CNOT2: variants seen among roughly 807,000 people sequenced by gnomAD.
The protein encoded by CNOT2 is CC chemokine receptor 4-negative regulator of transcription 2.
A neutral mutation model predicts 72.1 loss-of-function variants in CNOT2; 7 were observed. The ratio of observed to expected loss-of-function variants is 0.10; its 90% CI spans 0.06 to 0.18. CNOT2 has a LOEUF of 0.18. Ranked by LOEUF, CNOT2 falls within the 10% of genes least tolerant of loss-of-function variation. The probability of loss-of-function intolerance (pLI) is 1.00; values close to 1 mark genes in which losing one functional copy is unlikely to be tolerated. For missense variants in CNOT2, 345 were observed against 660.3 expected (o/e 0.52, Z 5.23); for synonymous variants, 196 against 225.6 (o/e 0.87, Z 1.17).
At chr12:70,247,814 T>A (rs1158334555) in intron 1 of CNOT2, among the ~76,000 whole-genome samples, 1 of 152,188 alleles carries the variant, frequency 6.6e-6, no homozygotes, top group Non-Finnish European at 1.5e-5. Context: ...TGTTGCTAGA[T>A]TGTCATTTGA....
chr12:70,310,071 A>T (rs1241620855), intron 2 of CNOT2, among the ~76,000 whole-genome samples: 1 of 152,068 alleles, frequency 6.6e-6, no homozygotes, highest in Non-Finnish European at 1.5e-5. Context: ...ATTAGATATT[A>T]TAAGTAATCT....
intron 3 of CNOT2, 21 bp downstream of exon 3, chr12:70,311,038 G>GT: frequency 6.4e-7 from 1 of 1,568,168 alleles, no homozygotes. Flanking sequence ...CAATTATGTT[G>GT]TATTTTTTCA....
chr12:70,283,779 G>A (rs1241798801), intron 2 of CNOT2, among the ~76,000 whole-genome samples: 1 of 151,808 alleles, frequency 6.6e-6, no homozygotes, highest in Non-Finnish European at 1.5e-5. Flanking sequence ...AAAGTAAAGG[G>A]GTAGAATGAC....
chr12:70,310,870 T>A (rs748195995), intron 2 of CNOT2, 25 bp from the exon 3 acceptor site: 10 of 1,606,478 alleles, frequency 6.2e-6, no homozygotes, highest in Non-Finnish European at 7.7e-6. Flanking sequence ...GTATTACCCC[T>A]GATAAAAGTA....
At chr12:70,342,204 A>T in intron 12 of CNOT2, 36 bp downstream of exon 12, 8 of 1,612,978 alleles carry the variant, frequency 5.0e-6, no homozygotes, top group Non-Finnish European at 6.8e-6. Context: ...CCTTTTAAAA[A>T]GAAATTTACA....
chr12:70,320,137 ATC>A (rs1474285467), intron 4 of CNOT2, among the ~76,000 whole-genome samples: 3 of 151,582 alleles, frequency 2.0e-5, no homozygotes, highest in African/African-American at 7.3e-5. Context: ...TGTTAATGTA[ATC>A]TCTGTTAATA....
At chr12:70,320,423 G>T (rs1257083852) in intron 4 of CNOT2, among the ~76,000 whole-genome samples, 1 of 151,552 alleles carries the variant, frequency 6.6e-6, no homozygotes, top group Non-Finnish European at 1.5e-5. Context: ...TCTATCTTTT[G>T]TGGCTTTTCT....
At position 70,291,484 on chromosome 12, in the gene CNOT2, G is replaced by A. The variant is rs140307427; in HGVS notation, c.48+13210G>A. Among the ~76,000 whole-genome samples the A allele has an allele frequency of 3.5e-3, 532 of 152,308 alleles. 6 individuals are homozygous for A. The highest frequency in any genetic ancestry group is 0.012 in the African/African-American group (490 of 41,568). On this transcript the variant is annotated intron_variant, in intron 2 of 15. Coordinates refer to ENST00000229195, the MANE Select transcript of CNOT2 (RefSeq NM_014515.7). ...TGGTAGAGTGAAGAGCCTTTAGTTT[G>A]AGCCACTAGTCTTCACATTCTACCT...
chr12:70,247,283 G>T (rs1957924925), intron 1 of CNOT2, among the ~76,000 whole-genome samples: 1 of 151,896 alleles, frequency 6.6e-6, no homozygotes, highest in African/African-American at 2.4e-5. Flanking sequence ...TCCTGCCTCA[G>T]CCTCCTGAGT....
intron 1 of CNOT2, among the ~76,000 whole-genome samples, chr12:70,258,593 A>C (rs778800258): frequency 1.3e-5 from 2 of 152,248 alleles, no homozygotes; most frequent in Non-Finnish European, 2.9e-5. Context: ...GTGTGCCCCA[A>C]GTGCTATTCC....
At chr12:70,348,676 A>G (rs77413070) in intron 15 of CNOT2, among the ~76,000 whole-genome samples, 224 of 152,260 alleles carry the variant, frequency 1.5e-3, no homozygotes, top group African/African-American at 5.3e-3. Flanking sequence ...GAAGAAATCA[A>G]TTTGTGAGAA....
At chr12:70,248,223 A>G (rs772383481) in intron 1 of CNOT2, among the ~76,000 whole-genome samples, 2 of 152,052 alleles carry the variant, frequency 1.3e-5, no homozygotes, top group African/African-American at 2.4e-5. Context: ...TGTTTTTCTC[A>G]CCTTTTTCCT....
At chr12:70,260,021 T>TTAC (rs1174894921) in intron 1 of CNOT2, among the ~76,000 whole-genome samples, 1 of 152,222 alleles carries the variant, frequency 6.6e-6, no homozygotes, top group Non-Finnish European at 1.5e-5. Context: ...TTTCATTGAT[T>TTAC]GGTATGCCTA....
intron 1 of CNOT2, among the ~76,000 whole-genome samples, chr12:70,265,713 A>G (rs1187111659): frequency 1.3e-5 from 2 of 151,786 alleles, no homozygotes; most frequent in African/African-American, 4.8e-5. Context: ...TTTGAGATGT[A>G]AGCTTAGGTG....
chr12:70,283,816 A>G (rs150622724), intron 2 of CNOT2, among the ~76,000 whole-genome samples: 161 of 151,856 alleles, frequency 1.1e-3, no homozygotes, highest in Admixed American at 3.0e-3. Flanking sequence ...ACTTGCATTT[A>G]TACAGCTGCT....
At position 70,287,518 on chromosome 12, in the gene CNOT2, G is replaced by A. The variant is rs1045918316; in HGVS notation, c.48+9244G>A. Among the ~76,000 whole-genome samples, 6 of 149,642 alleles carry A rather than the reference G, an allele frequency of 4.0e-5. No homozygotes were observed. The East Asian group carries it at 1.0e-3, about 25-fold the overall frequency. ...TATAATTCCATTTTGGTTCAAGAAT[G>A]TGGTCTGTATGATACAATTATTTGT... On this transcript the variant is annotated intron_variant, in intron 2 of 15. Transcript: ENST00000229195.
chr12:70,279,086 A>G (rs1869373466), intron 2 of CNOT2, among the ~76,000 whole-genome samples: 1 of 152,226 alleles, frequency 6.6e-6, no homozygotes, highest in African/African-American at 2.4e-5. Flanking sequence ...CTGCACAGAT[A>G]TGTGTCCAAC....
chr12:70,333,363 C>A lies in CNOT2; in HGVS notation c.649+517C>A, dbSNP rs756952793. ...CAGTTTTATGTATAAAATTTAGTTACATGGAAAACCAACTCTGATTTTGAC... is the reference window on the plus strand; with the variant it reads ...CAGTTTTATGTATAAAATTTAGTTAAATGGAAAACCAACTCTGATTTTGAC... On this transcript the variant is annotated intron_variant, in intron 7 of 15. Coordinates refer to ENST00000229195, the MANE Select transcript of CNOT2 (RefSeq NM_014515.7). Among the ~76,000 whole-genome samples the A allele has an allele frequency of 5.4e-4, 82 of 152,026 alleles. 1 individual carries two copies. The highest frequency in any genetic ancestry group is 2.1e-3 in the South Asian group (10 of 4,832).
At chr12:70,309,367 C>G (rs1461009304) in intron 2 of CNOT2, among the ~76,000 whole-genome samples, 3 of 152,116 alleles carry the variant, frequency 2.0e-5, no homozygotes, top group Admixed American at 6.5e-5. Flanking sequence ...TTATACCTGA[C>G]TGAATAGGTT....
Sources: allele counts gnomAD v4.1 joint callset (sites outside exome capture counted in the v4.1 genomes callset), GRCh38; gene constraint gnomAD v4.1.1; transcripts MANE v1.5; gene names NCBI Gene and HGNC (gene_info 2026-07-23, HGNC 2026-07-21).